The following CFD variants were observed in gnomAD, a reference collection of about 807,000 sequenced individuals.
The protein encoded by CFD is C3 convertase activator.
CFD carries 24 observed loss-of-function variants against 21.1 expected under a neutral mutation model. The ratio of observed to expected loss-of-function variants is 1.14; its 90% confidence interval spans 0.82 to 1.60. The LOEUF (loss-of-function observed/expected upper bound fraction) is 1.60. Among genes scored for constraint, CFD ranks in the 40% most tolerant of loss-of-function variants. The probability of loss-of-function intolerance (pLI) is 0.00; values close to 1 mark genes in which losing one functional copy is unlikely to be tolerated. For missense variants in CFD, 535 were observed against 383.3 expected, an observed-to-expected ratio of 1.40 and a Z score of -3.31; for synonymous variants, 242 against 175.9, an observed-to-expected ratio of 1.38 and a Z score of -2.97.
In CFD at chr19:863,076, C is replaced by T. The variant is rs898140204; in HGVS notation, c.616-16C>T. On this transcript the variant is annotated splice_polypyrimidine_tract_variant and intron_variant, in intron 4 of 4. Transcript: ENST00000327726. ...GGGCGCGGGCCGCCCCTCACGGCCC[C>T]GTCCTGTTCCGGCAGGGTGACTCCG... The T allele has an allele frequency of 1.8e-5, 28 of 1,514,334 alleles. No individual in the cohort carries two copies. The highest frequency in any genetic ancestry group is 2.1e-5 in the Non-Finnish European group (24 of 1,131,354). 93.8% of individuals were successfully genotyped at this position (1,514,334 alleles called of 1,614,324 possible).
In CFD at chr19:861,680, C is replaced by T. The variant is rs764493524; in HGVS notation, c.358-19C>T. The T allele has an allele frequency of 2.5e-6, 4 of 1,589,552 alleles. No homozygotes were observed. Among genetic ancestry groups the T allele is most frequent in the South Asian group, 1.1e-5 (1 of 88,494 alleles). On this transcript the variant is annotated intron_variant, in intron 3 of 4. Transcript: ENST00000327726. ...TCGCACCCCCGCACCCCAACCCTGA[C>T]GTCCGCCTCCACCCTCAGCTGTCGG...
At position 860,777 on chromosome 19, in the gene CFD, A is replaced by G; in HGVS notation, c.212+4A>G. The G allele has an allele frequency of 5.1e-6, 8 of 1,564,062 alleles. No individual in the cohort carries two copies. The highest frequency in any genetic ancestry group is 6.9e-6 in the Non-Finnish European group (8 of 1,163,810). ...CGGCGCACTGCCTGGAGGACGCGTG[A>G]GTGCCCGCGCCGCGCGGGGGAAGAG... On this transcript the variant is annotated splice_donor_region_variant and intron_variant, in intron 2 of 4. Coordinates refer to ENST00000327726, the MANE Select transcript of CFD (RefSeq NM_001928.4).
Position 863,125 on chromosome 19 carries a change from G to C in CFD, c.649G>C (p.Val217Leu), listed in dbSNP as rs779126214. The change falls in exon 5 of 5, where the codon GTG becomes CTG. Residue 217 changes from valine (V) to leucine (L), a missense_variant. Physicochemically the swap from Val to Leu is conservative, Grantham distance 32. Coordinates refer to ENST00000327726, the MANE Select transcript of CFD (RefSeq NM_001928.4). ...CGGGGGCCCGCTGGTGTGCGGGGGC[G>C]TGCTCGAGGGCGTGGTCACCTCGGG... Reference protein sequence around the residue: ...DSGGPLVCGGVLEGVVTSGSR... With the variant: ...DSGGPLVCGGLLEGVVTSGSR... 9.1e-6 allele frequency: 14 copies of C among 1,532,068 alleles called. No homozygotes were observed. In the South Asian group the frequency reaches 9.5e-5, roughly 10 times the overall value. 94.9% of individuals were successfully genotyped at this position (1,532,068 alleles called of 1,614,324 possible). A position where few individuals can be genotyped will look rare whatever the true frequency, so the allele number is the denominator to read the frequency against.
At chr19:860,507 T>G in intron 1 of CFD, 110 bp from the exon 2 acceptor site, 2 of 1,082,634 alleles carry the variant, frequency 1.8e-6, no homozygotes, top group Non-Finnish European at 1.2e-6. Flanking sequence ...CGCCCAGAGA[T>G]GGGATTCTTG....
At chr19:860,521 G>T in intron 1 of CFD, 96 bp from the exon 2 acceptor site, 1 of 1,276,984 alleles carries the variant, frequency 7.8e-7, no homozygotes. Flanking sequence ...ATTCTTGCGG[G>T]GAGCGGCCTG....
chr19:860,868 G>T lies in CFD; in HGVS notation c.220G>T (p.Gly74Trp). Residue 74 changes from glycine (G) to tryptophan (W), a missense_variant, in exon 3 of 5, where the codon GGG becomes TGG. Transcript: ENST00000327726. ...ACTCCGTCCGGTCCCCAGGGCCGAC[G>T]GGAAGGTGCAGGTTCTCCTGGGCGC... ...AAHCLEDAAD[G>W]KVQVLLGAHS... 1 of 1,574,842 alleles carries T rather than the reference G, an allele frequency of 6.3e-7. No individual in the cohort carries two copies. The highest frequency in any genetic ancestry group is 8.6e-7 in the Non-Finnish European group (1 of 1,166,536).
intron 4 of CFD, among the ~76,000 whole-genome samples, chr19:862,748 G>A (rs757966730): frequency 6.6e-6 from 1 of 151,700 alleles, no homozygotes; most frequent in South Asian, 2.1e-4. Context: ...CGTTAGGGCA[G>A]AAGTGGGATC....
chr19:859,749 G>T lies in CFD; in HGVS notation c.55+5G>T. On this transcript the variant is annotated splice_donor_5th_base_variant and intron_variant, in intron 1 of 4. Coordinates refer to ENST00000327726, the MANE Select transcript of CFD (RefSeq NM_001928.4). ...TCCTAGGAGCGGCCGCCTGCGGTGA[G>T]GAGGCCTGGGCCTGGGGTGAGGGAC... The T allele has an allele frequency of 6.4e-7, 1 of 1,566,662 alleles. No homozygotes were observed. The highest frequency in any genetic ancestry group is 8.7e-7 in the Non-Finnish European group (1 of 1,155,298).
At chr19:860,083 C>A (rs1468952262) in intron 1 of CFD, among the ~76,000 whole-genome samples, 19 of 152,068 alleles carry the variant, frequency 1.2e-4, no homozygotes, top group Admixed American at 1.2e-3. Flanking sequence ...TGGGATCTGC[C>A]CCCGGTCCCC....
At position 862,944 on chromosome 19, in the gene CFD, G is replaced by T. The variant is rs185476946; in HGVS notation, c.616-148G>T. 1.3e-5 allele frequency: 10 copies of T among 775,724 alleles called. No individual in the cohort carries two copies. In the South Asian group the frequency reaches 1.8e-4, roughly 14 times the overall value. 48.1% of individuals were successfully genotyped at this position (775,724 alleles called of 1,614,324 possible). On this transcript the variant is annotated intron_variant, in intron 4 of 4. Coordinates refer to ENST00000327726, the MANE Select transcript of CFD (RefSeq NM_001928.4). Reference sequence around the variant, plus strand: ...TTGTGGCCTAGGCGATAGGCGTGGCGCGGGGCTATTGACTAGTGAAGACCA... The same window carrying T: ...TTGTGGCCTAGGCGATAGGCGTGGCTCGGGGCTATTGACTAGTGAAGACCA...
rs1164511236 is a variant in CFD, at chr19:863,006, G to A, written c.616-86G>A. Reference sequence around the variant, plus strand: ...GAGGGATGAGCGAGCATTGTGGGGCGGGAGCGGCAGCCAGGTGAGGGGGTC... The same window carrying A: ...GAGGGATGAGCGAGCATTGTGGGGCAGGAGCGGCAGCCAGGTGAGGGGGTC... On this transcript the variant is annotated intron_variant, in intron 4 of 4. Transcript: ENST00000327726. 1.5e-5 allele frequency: 19 copies of A among 1,297,388 alleles called. No homozygotes were observed. In the East Asian group the frequency reaches 3.6e-4, roughly 24 times the overall value. The allele number at this position is 1,297,388 out of a possible 1,614,324, so 80.4% of individuals were successfully genotyped here. A position where few individuals can be genotyped will look rare whatever the true frequency, so the allele number is the denominator to read the frequency against.
Position 861,085 on chromosome 19 carries a change from C to T in CFD, c.357+80C>T. 3.4e-6 allele frequency: 5 copies of T among 1,468,160 alleles called. No individual in the cohort carries two copies. In the South Asian group the frequency reaches 4.7e-5, roughly 14 times the overall value. The allele number at this position is 1,468,160 out of a possible 1,614,324, so 90.9% of individuals were successfully genotyped here. A position where few individuals can be genotyped will look rare whatever the true frequency, so the allele number is the denominator to read the frequency against. On this transcript the variant is annotated intron_variant, in intron 3 of 4. Transcript: ENST00000327726. ...TCACTCCACCCCGCCTACACCGCGC[C>T]CCGGGTCCAGCCTCGACCTCTCCTG...
chr19:861,945 G>C lies in CFD; in HGVS notation c.604G>C (p.Asp202His), dbSNP rs753260093. The C allele has an allele frequency of 7.2e-5, 111 of 1,549,750 alleles. No individual in the cohort carries two copies. Among genetic ancestry groups the C allele is most frequent in the Non-Finnish European group, 8.7e-5 (101 of 1,154,840 alleles). Residue 202 changes from aspartate to histidine, a missense_variant, in exon 4 of 5, where the codon GAC (aspartate) becomes CAC (histidine). Physicochemically the swap from Asp to His is moderately conservative, Grantham distance 81. Transcript: ENST00000327726. ...GATGTGCGCGGAGAGCAATCGCCGG[G>C]ACAGCTGCAAGGTGAGCCTTCAGGC... The part of the protein sequence containing the change: ...RLMCAESNRR[D>H]SCKGDSGGPL...
intron 3 of CFD, among the ~76,000 whole-genome samples, chr19:861,210 A>G (rs1348294196): frequency 1.9e-4 from 9 of 47,064 alleles, no homozygotes; most frequent in Admixed American, 2.7e-4. Context: ...CTGCACCCTC[A>G]CCCCGGGTCC....
At chr19:861,616 C>A in intron 3 of CFD, 83 bp from the exon 4 acceptor site, 1 of 1,503,382 alleles carries the variant, frequency 6.7e-7, no homozygotes. Context: ...CCACCTCCCC[C>A]GTCCCGTCTC....
intron 3 of CFD, among the ~76,000 whole-genome samples, 168 bp from the exon 4 acceptor site, chr19:861,531 C>T (rs1470134682): frequency 6.8e-6 from 1 of 146,660 alleles, no homozygotes; most frequent in Non-Finnish European, 1.5e-5. Context: ...CCACCCCATC[C>T]CCACCTGCAC....
At chr19:862,996 A>AT (rs948904045) in intron 4 of CFD, 96 bp from the exon 5 acceptor site, 63 of 1,216,542 alleles carry the variant, frequency 5.2e-5, no homozygotes, top group Non-Finnish European at 6.8e-5. Flanking sequence ...ATGAGCGAGC[A>AT]TTGTGGGGCG....
chr19:861,064 T>A, intron 3 of CFD, 59 bp downstream of exon 3: 2 of 1,538,762 alleles, frequency 1.3e-6, no homozygotes, highest in Non-Finnish European at 1.7e-6. Flanking sequence ...CCACCCTCAC[T>A]CCACCCCGCC....
At position 863,108 on chromosome 19, in the gene CFD, C is replaced by G. The variant is rs780098955; in HGVS notation, c.632C>G (p.Pro211Arg). The stretch of plus-strand genomic sequence containing the variant: ...TTCCGGCAGGGTGACTCCGGGGGCC[C>G]GCTGGTGTGCGGGGGCGTGCTCGAG... ...RDSCKGDSGG[P>R]LVCGGVLEGV... Residue 211 changes from proline (P) to arginine (R), a missense_variant, in exon 5 of 5, where the codon CCG becomes CGG. Physicochemically the swap from Pro to Arg is moderately radical, Grantham distance 103. Coordinates refer to ENST00000327726, the MANE Select transcript of CFD (RefSeq NM_001928.4). 1.3e-6 allele frequency: 2 copies of G among 1,526,312 alleles called. No individual in the cohort carries two copies. Among genetic ancestry groups the G allele is most frequent in the South Asian group, 1.2e-5 (1 of 83,764 alleles). 94.5% of individuals were successfully genotyped at this position (1,526,312 alleles called of 1,614,324 possible). A position where few individuals can be genotyped will look rare whatever the true frequency, so the allele number is the denominator to read the frequency against.
Sources: gnomAD v4.1 joint callset for allele counts (sites outside exome capture counted in the v4.1 genomes callset) on GRCh38, gnomAD v4.1.1 for gene constraint, MANE v1.5 for transcripts, NCBI Gene and HGNC (gene_info 2026-07-23, HGNC 2026-07-21) for gene names.